The following ZDHHC13 variants were observed in gnomAD, a reference collection of about 807,000 sequenced individuals.
ZDHHC13 encodes palmitoyltransferase ZDHHC13.
Under a neutral mutation model 86.0 loss-of-function variants are expected in ZDHHC13, and 85 were observed. That is an observed-to-expected ratio of 0.99 (90% CI 0.83 to 1.18). The LOEUF (loss-of-function observed/expected upper bound fraction) is 1.18. ZDHHC13 is among the 50% of genes most tolerant of loss of function. The pLI, the probability that ZDHHC13 is intolerant of heterozygous loss-of-function variation, is 0.00. For synonymous variants in ZDHHC13, 263 were observed against 246.4 expected, an observed-to-expected ratio of 1.07 and a Z score of -0.63; for missense variants, 711 against 730.2, an observed-to-expected ratio of 0.97 and a Z score of 0.30.
chr11:19,157,370 GTCTT>G (rs906224684), intron 9 of ZDHHC13, among the ~76,000 whole-genome samples: 19 of 152,316 alleles, frequency 1.2e-4, no homozygotes, highest in Non-Finnish European at 2.4e-4. Flanking sequence ...GTATTCCTCT[GTCTT>G]TCTGTCGCTT....
intron 11 of ZDHHC13, 70 bp from the exon 12 acceptor site, chr11:19,164,231 A>C: frequency 6.8e-7 from 1 of 1,477,748 alleles, no homozygotes. Flanking sequence ...AACTGTGAGA[A>C]TGGTGTATAA....
intron 1 of ZDHHC13, among the ~76,000 whole-genome samples, chr11:19,131,391 G>A (rs1277356002): frequency 1.3e-5 from 2 of 152,080 alleles, no homozygotes; most frequent in Non-Finnish European, 2.9e-5. Context: ...CATTAAACTT[G>A]TAGTTACTGT....
At chr11:19,139,752 A>G (rs1266468571) in intron 1 of ZDHHC13, among the ~76,000 whole-genome samples, 1 of 140,936 alleles carries the variant, frequency 7.1e-6, no homozygotes, top group Non-Finnish European at 1.5e-5. Context: ...GCCCTCAGAA[A>G]TAACGCCGCA....
chr11:19,140,803 A>T (rs1454489097), intron 1 of ZDHHC13, among the ~76,000 whole-genome samples: 3 of 151,936 alleles, frequency 2.0e-5, no homozygotes, highest in Non-Finnish European at 4.4e-5. Context: ...ATTCTCAGTA[A>T]ACTATTGCAA....
In ZDHHC13 at chr11:19,117,653, G is replaced by A. The variant is rs185472874; in HGVS notation, c.27+377G>A. ...ATTCGGACCCGCCCGTCTTGACGTTGGCCCGGAGTCGGAGCGGTTCTGTTG... is the reference window on the plus strand; with the variant it reads ...ATTCGGACCCGCCCGTCTTGACGTTAGCCCGGAGTCGGAGCGGTTCTGTTG... On this transcript the variant is annotated intron_variant, in intron 1 of 16. Coordinates refer to ENST00000446113, the MANE Select transcript of ZDHHC13 (RefSeq NM_019028.3). The surrounding 1 kb of genome is among the most constrained non-coding windows in gnomAD (Gnocchi z 4.2). 3 of 249,106 alleles carry A rather than the reference G, an allele frequency of 1.2e-5. No homozygotes were observed. In the East Asian group the frequency reaches 2.2e-4, roughly 18 times the overall value. 15.4% of individuals were successfully genotyped at this position (249,106 alleles called of 1,614,324 possible). A position where few individuals can be genotyped will look rare whatever the true frequency, so the allele number is the denominator to read the frequency against.
chr11:19,170,718 A>G (rs1416797391), intron 15 of ZDHHC13, 150 bp downstream of exon 15: 5 of 776,932 alleles, frequency 6.4e-6, no homozygotes, highest in Admixed American at 3.5e-5. Context: ...ACCACACTTG[A>G]ATTTCAGGTA....
At chr11:19,139,796 G>C (rs1849257147) in intron 1 of ZDHHC13, among the ~76,000 whole-genome samples, 7 of 116,626 alleles carry the variant, frequency 6.0e-5, no homozygotes, top group Admixed American at 2.9e-4. Flanking sequence ...ACAAACCTGA[G>C]AAAAACAAGC....
At chr11:19,157,218 G>A (rs1047117426) in intron 9 of ZDHHC13, among the ~76,000 whole-genome samples, 4 of 152,170 alleles carry the variant, frequency 2.6e-5, no homozygotes, top group Non-Finnish European at 5.9e-5. Flanking sequence ...TTCCTGCAAC[G>A]TAAAGCCCAT....
intron 1 of ZDHHC13, among the ~76,000 whole-genome samples, chr11:19,136,674 G>T (rs1199143733): frequency 2.0e-5 from 3 of 151,992 alleles, no homozygotes; most frequent in Non-Finnish European, 4.4e-5. Context: ...AGAGAGAAAG[G>T]TCGGGTTACC....
At chr11:19,147,367 C>G (rs940441895) in intron 3 of ZDHHC13, among the ~76,000 whole-genome samples, 1 of 152,056 alleles carries the variant, frequency 6.6e-6, no homozygotes, top group African/African-American at 2.4e-5. Flanking sequence ...TAATGGAATG[C>G]TAATTACAGC....
At chr11:19,135,240 C>T (rs544048294) in intron 1 of ZDHHC13, among the ~76,000 whole-genome samples, 7 of 152,218 alleles carry the variant, frequency 4.6e-5, no homozygotes, top group South Asian at 2.1e-4. Flanking sequence ...CGAAGCAGGG[C>T]GAGGCGTTGC....
chr11:19,169,026 A>C, intron 14 of ZDHHC13: 2 of 985,472 alleles, frequency 2.0e-6, no homozygotes, highest in Non-Finnish European at 2.4e-6. Context: ...GCACAAATTA[A>C]AGTGTTACAT....
At chr11:19,139,402 A>G (rs1380156886) in intron 1 of ZDHHC13, among the ~76,000 whole-genome samples, 7 of 150,644 alleles carry the variant, frequency 4.6e-5, no homozygotes, top group Admixed American at 1.3e-4. Context: ...CCACTGCTCA[A>G]TGAAATAAAA....
intron 10 of ZDHHC13, among the ~76,000 whole-genome samples, chr11:19,162,786 G>T (rs1463615241): frequency 2.0e-5 from 3 of 152,274 alleles, no homozygotes; most frequent in South Asian, 2.1e-4. Context: ...TTTGAGTCGT[G>T]TGTCGATCAG....
In ZDHHC13 at chr11:19,146,188, A is replaced by T; in HGVS notation, c.181A>T (p.Ile61Phe). 1 of 1,585,174 alleles carries T rather than the reference A, an allele frequency of 6.3e-7. No homozygotes were observed. ...CDIVKATQYG[I>F]FERCKELVEA... ...TTTTTTTTCTTCTTTGAGATACGGA[A>T]TTTTTGAACGATGTAAAGAGTTGGT... Residue 61 changes from isoleucine (I) to phenylalanine (F), a missense_variant, in exon 3 of 17, where the codon ATT becomes TTT. By Grantham distance (21) the Ile-to-Phe change is conservative. Transcript: ENST00000446113.
At chr11:19,155,962 T>C (rs151292778) in intron 9 of ZDHHC13, 33 bp downstream of exon 9, 2 of 1,571,716 alleles carry the variant, frequency 1.3e-6, no homozygotes, top group African/African-American at 2.8e-5. Flanking sequence ...GGCTGGTTAT[T>C]GTGTTTCTGA....
chr11:19,125,137 T>G (rs934494794), intron 1 of ZDHHC13, among the ~76,000 whole-genome samples: 1 of 152,192 alleles, frequency 6.6e-6, no homozygotes, highest in Admixed American at 6.5e-5. Flanking sequence ...TTTTTAAAAT[T>G]TAAAACTTCT....
In ZDHHC13 at chr11:19,117,307, G is replaced by A. The variant is rs1039745169; in HGVS notation, c.27+31G>A. ...TGCGGCCGGGCGGTGGCTGTCCTGG[G>A]GGCCGGGAGAGCGGCTGCAGCTGTG... is the stretch of plus-strand genomic sequence containing the variant. On this transcript the variant is annotated intron_variant, in intron 1 of 16. Coordinates refer to ENST00000446113, the MANE Select transcript of ZDHHC13 (RefSeq NM_019028.3). This position sits in a 1 kb window ranked among gnomAD's most constrained non-coding sequence, Gnocchi z 4.2. The A allele has an allele frequency of 2.1e-6, 3 of 1,451,964 alleles. No homozygotes were observed. Among genetic ancestry groups the A allele is most frequent in the African/African-American group, 1.5e-5 (1 of 68,264 alleles). 89.9% of individuals were successfully genotyped at this position (1,451,964 alleles called of 1,614,324 possible).
rs58806796 is a variant in ZDHHC13 at position 19,175,389 on chromosome 11, CAAAAAAAAAAA to C, written c.1731-415_1731-405del. Among the ~76,000 whole-genome samples, 176 of 56,380 alleles carry C rather than the reference CAAAAAAAAAAA, an allele frequency of 3.1e-3. 4 individuals are homozygous for C. Among genetic ancestry groups the C allele is most frequent in the African/African-American group, 9.5e-3 (153 of 16,078 alleles). 37.0% of individuals were successfully genotyped at this position (56,380 alleles called of 152,430 possible). A position where few individuals can be genotyped will look rare whatever the true frequency, so the allele number is the denominator to read the frequency against. ...TGGGTGACAGAGCGAGACTCCGTCT[CAAAAAAAAAAA>C]AAAAAAAAAAAAAAAAAGGTTTAGG... On this transcript the variant is annotated intron_variant, in intron 16 of 16. Transcript: ENST00000446113.
Sources: gnomAD v4.1 joint callset for allele counts (sites outside exome capture counted in the v4.1 genomes callset) on GRCh38, gnomAD v4.1.1 for gene constraint, Gnocchi (gnomAD v3.1) non-coding constraint, MANE v1.5 for transcripts, NCBI Gene and HGNC (gene_info 2026-07-23, HGNC 2026-07-21) for gene names.